The following KRT4 variants were observed in gnomAD, a reference collection of about 807,000 sequenced individuals.
KRT4 encodes keratin 4.
In KRT4, 47 loss-of-function variants were observed where a neutral mutation model predicts 50.6. That is an observed-to-expected ratio of 0.93 (90% confidence interval 0.73 to 1.18). The LOEUF (loss-of-function observed/expected upper bound fraction) is 1.18. Among genes scored for constraint, KRT4 ranks in the 50% most tolerant of loss-of-function variants. The pLI is 0.00. For missense variants in KRT4, 651 were observed against 645.7 expected (o/e 1.01, Z -0.09); for synonymous variants, 254 against 251.2 (o/e 1.01, Z -0.10).
chr12:52,811,489 C>T (rs1418041588), intron 2 of KRT4: 1 of 460,540 alleles, frequency 2.2e-6, no homozygotes, highest in Non-Finnish European at 4.0e-6. Flanking sequence ...TCTAATCATA[C>T]TATACTGCTT....
chr12:52,810,803 T>C lies in KRT4; in HGVS notation c.691A>G (p.Ile231Val). The stretch of plus-strand genomic sequence containing the variant: ...TTCTCGGCTGCTGTGCGTTTGTTGA[T>C]CTCCTCTTCATACCTGGGGGTGGGC... The part of the protein sequence containing the change: ...EDFKTKYEEE[I>V]NKRTAAENDF... The change falls in exon 3 of 9, where the codon ATC becomes GTC. Residue 231 changes from isoleucine to valine, a missense_variant. Physicochemically the swap from Ile to Val is conservative, Grantham distance 29. Transcript: ENST00000551956. 1.9e-6 allele frequency: 3 copies of C among 1,614,010 alleles called. No individual in the cohort carries two copies. The highest frequency in any genetic ancestry group is 1.7e-4 in the Middle Eastern group (1 of 6,060).
rs781679814 is a variant in KRT4, at chr12:52,806,982, C to T, written c.*87G>A. The T allele has an allele frequency of 7.0e-6, 9 of 1,288,622 alleles. No homozygotes were observed. The highest frequency in any genetic ancestry group is 1.0e-5 in the Non-Finnish European group (9 of 889,368). 79.8% of individuals were successfully genotyped at this position (1,288,622 alleles called of 1,614,324 possible). Reference sequence around the variant, plus strand: ...ATACTAGTAAGATGAGCCCCAGAGACAGAGGATGGAGGTGAAGTGAAGGAA... The same window carrying T: ...ATACTAGTAAGATGAGCCCCAGAGATAGAGGATGGAGGTGAAGTGAAGGAA... On this transcript the variant is annotated 3_prime_UTR_variant, in exon 9 of 9. Coordinates refer to ENST00000551956, the MANE Select transcript of KRT4 (RefSeq NM_002272.4).
chr12:52,813,637 A>G lies in KRT4; in HGVS notation c.422T>C (p.Ile141Thr), dbSNP rs1425869605. 6.2e-7 allele frequency: 1 copy of G among 1,613,610 alleles called. No individual in the cohort carries two copies. The highest frequency in any genetic ancestry group is 1.7e-5 in the Admixed American group (1 of 59,996). ...GGCAAACTTGTTGTTGAGGAGCTTGATCTGTTCGCGCTCTTCCGTCCGGAC... is the reference window on the plus strand; with the variant it reads ...GGCAAACTTGTTGTTGAGGAGCTTGGTCTGTTCGCGCTCTTCCGTCCGGAC... ...QKVRTEEREQ[I>T]KLLNNKFASF... The change falls in exon 1 of 9, where the codon ATC becomes ACC. Residue 141 changes from isoleucine to threonine, a missense_variant. Transcript: ENST00000551956.
In KRT4 at chr12:52,808,429, A is replaced by C; in HGVS notation, c.1000-10T>G. 6.2e-7 allele frequency: 1 copy of C among 1,613,498 alleles called. No homozygotes were observed. Among genetic ancestry groups the C allele is most frequent in the Non-Finnish European group, 8.5e-7 (1 of 1,180,016 alleles). The stretch of plus-strand genomic sequence containing the variant: ...TCTGGAGCTGCTGGACCTAAGACTC[A>C]AGAAGACACAGAGAACCAGGTGTTA... On this transcript the variant is annotated splice_polypyrimidine_tract_variant and intron_variant, in intron 5 of 8. Transcript: ENST00000551956.
intron 2 of KRT4, chr12:52,811,355 C>T (rs183394832): frequency 6.4e-5 from 17 of 264,088 alleles, no homozygotes; most frequent in African/African-American, 3.1e-4. Context: ...GAATATTATC[C>T]CCATTTCAAA....
In KRT4 at chr12:52,811,980, G is replaced by A; in HGVS notation, c.463-3C>T. The A allele has an allele frequency of 6.2e-7, 1 of 1,611,380 alleles. No homozygotes were observed. Among genetic ancestry groups the A allele is most frequent in the East Asian group, 2.2e-5 (1 of 44,848 alleles). On this transcript the variant is annotated splice_region_variant and splice_polypyrimidine_tract_variant and intron_variant, in intron 1 of 8. Coordinates refer to ENST00000551956, the MANE Select transcript of KRT4 (RefSeq NM_002272.4). Reference sequence around the variant, plus strand: ...TTCTGTTGCTCTAAGAACTGCACCTGTGTTGATAAAGGCACCAGCCAAGTG... The same window carrying A: ...TTCTGTTGCTCTAAGAACTGCACCTATGTTGATAAAGGCACCAGCCAAGTG...
intron 2 of KRT4, chr12:52,811,330 C>T (rs1939906475): frequency 3.9e-6 from 1 of 257,598 alleles, no homozygotes; most frequent in Non-Finnish European, 7.5e-6. Context: ...TTAATTCTCA[C>T]AACCCATAAA....
Position 52,807,804 on chromosome 12 carries a change from C to T in KRT4, c.1186G>A (p.Asp396Asn). The T allele has an allele frequency of 1.2e-6, 2 of 1,614,196 alleles. No individual in the cohort carries two copies. The highest frequency in any genetic ancestry group is 1.7e-6 in the Non-Finnish European group (2 of 1,180,048). The change falls in exon 7 of 9, where the codon GAT (aspartate) becomes AAT (asparagine). Residue 396 changes from aspartate (D) to asparagine (N), a missense_variant. Asp to Asn is a conservative substitution (Grantham distance 23, BLOSUM62 1). Transcript: ENST00000551956. ...AGCTCTACGCGCTTGCTGTGGGCATCTTTAAGGGCATTCTCACCTCGCTGC... is the reference window on the plus strand; with the variant it reads ...AGCTCTACGCGCTTGCTGTGGGCATTTTTAAGGGCATTCTCACCTCGCTGC... ...AEQRGENALKDAHSKRVELEA... is the reference protein window; with the variant it reads ...AEQRGENALKNAHSKRVELEA...
At position 52,811,826 on chromosome 12, in the gene KRT4, T is replaced by C; in HGVS notation, c.614A>G (p.Asp205Gly). 5 of 1,614,056 alleles carry C rather than the reference T, an allele frequency of 3.1e-6. No individual in the cohort carries two copies. Among genetic ancestry groups the C allele is most frequent in the Non-Finnish European group, 4.2e-6 (5 of 1,180,026 alleles). ...LRKQLDTLGN[D>G]KGRLQSELKT... ...CAGCTCAGACTGCAGGCGCCCTTTGTCATTGCCCAAGGTATCTAGCTGCTT... is the reference window on the plus strand; with the variant it reads ...CAGCTCAGACTGCAGGCGCCCTTTGCCATTGCCCAAGGTATCTAGCTGCTT... The change falls in exon 2 of 9, where the codon GAC (aspartate) becomes GGC (glycine). Residue 205 changes from aspartate (D) to glycine (G), a missense_variant. Physicochemically the swap from Asp to Gly is moderately conservative, Grantham distance 94. Coordinates refer to ENST00000551956, the MANE Select transcript of KRT4 (RefSeq NM_002272.4).
intron 4 of KRT4, 113 bp downstream of exon 4, chr12:52,809,270 C>T: frequency 1.2e-6 from 1 of 830,124 alleles, no homozygotes; most frequent in Middle Eastern, 2.2e-4. Context: ...TGAGAACCCA[C>T]TGCCCTAAAA....
Position 52,807,099 on chromosome 12 carries a change from G to T in KRT4, c.1533C>A (p.Ile511=), listed in dbSNP as rs1271810080. 3 of 1,614,154 alleles carry T rather than the reference G, an allele frequency of 1.9e-6. No homozygotes were observed. The highest frequency in any genetic ancestry group is 2.5e-6 in the Non-Finnish European group (3 of 1,180,016). ...SVSGSSSSKI[I]STTTLNKRR ...GTCTCTTGTTCAGGGTGGTGGTAGA[G>T]ATGATCTTGCTGCTGGAACTGCCAG... The change falls in exon 9 of 9, where the codon ATC becomes ATA. Residue 511 remains isoleucine, a synonymous_variant. Transcript: ENST00000551956.
At chr12:52,810,911 T>A in intron 2 of KRT4, 95 bp from the exon 3 acceptor site, 1 of 1,007,540 alleles carries the variant, frequency 9.9e-7, no homozygotes, top group Non-Finnish European at 1.6e-6. Context: ...TCCAAACAAA[T>A]TTGGAAATAT....
rs925779851 is a variant in KRT4 at position 52,811,660 on chromosome 12, G to A, written c.677+103C>T. On this transcript the variant is annotated intron_variant, in intron 2 of 8. Transcript: ENST00000551956. Reference sequence around the variant, plus strand: ...AACAGACTAGAGGGCCTTCCTAGACGCCTTCAGAGCCTGAGATTCTAAGCC... The same window carrying A: ...AACAGACTAGAGGGCCTTCCTAGACACCTTCAGAGCCTGAGATTCTAAGCC... 2.0e-4 allele frequency: 182 copies of A among 921,646 alleles called. 1 individual carries two copies. Among genetic ancestry groups the A allele is most frequent in the African/African-American group, 1.1e-4 (7 of 61,770 alleles). 57.1% of individuals were successfully genotyped at this position (921,646 alleles called of 1,614,324 possible).
At chr12:52,813,499 T>C in intron 1 of KRT4, 98 bp downstream of exon 1, 1 of 1,065,264 alleles carries the variant, frequency 9.4e-7, no homozygotes, top group African/African-American at 1.6e-5. Context: ...GGAAGTTCAG[T>C]GGTCTCCCCA....
rs1002465793 is a variant in KRT4, at chr12:52,806,809, G to A, written c.*260C>T. 5.4e-6 allele frequency: 3 copies of A among 558,994 alleles called. No individual in the cohort carries two copies. Among genetic ancestry groups the A allele is most frequent in the Non-Finnish European group, 9.7e-6 (3 of 309,948 alleles). The allele number at this position is 558,994 out of a possible 1,614,324, so 34.6% of individuals were successfully genotyped here. A position where few individuals can be genotyped will look rare whatever the true frequency, so the allele number is the denominator to read the frequency against. On this transcript the variant is annotated 3_prime_UTR_variant, in exon 9 of 9. Coordinates refer to ENST00000551956, the MANE Select transcript of KRT4 (RefSeq NM_002272.4). ...GTCATTTTCTTCTCTGTCCATGGGA[G>A]GTGAGAGGTCAGCTGACATCCTTCC... is the stretch of plus-strand genomic sequence containing the variant.
chr12:52,811,900 G>A lies in KRT4; in HGVS notation c.540C>T (p.Ser180=). 5.0e-6 allele frequency: 8 copies of A among 1,614,056 alleles called. No individual in the cohort carries two copies. Among genetic ancestry groups the A allele is most frequent in the Non-Finnish European group, 6.8e-6 (8 of 1,180,020 alleles). The change falls in exon 2 of 9, where the codon TCC becomes TCT. Residue 180 remains serine, a synonymous_variant. Transcript: ENST00000551956. ...CAAAGAGGGGCTCAAGGTTTTTGCT[G>A]GAGGTGGTGGTCGTCTGCTGCTGGA... The part of the protein sequence containing the change: ...NLLQQQTTTT[S]SKNLEPLFET...
Position 52,814,093 on chromosome 12 carries a change from G to A in KRT4, c.-35C>T. On this transcript the variant is annotated 5_prime_UTR_variant, in exon 1 of 9. Coordinates refer to ENST00000551956, the MANE Select transcript of KRT4 (RefSeq NM_002272.4). ...GAGCGAGCTGGGAGCTATCAGAGAA[G>A]TGACAGGGCCCAGGCCGGTGAGTGC... 1 of 1,613,866 alleles carries A rather than the reference G, an allele frequency of 6.2e-7. No homozygotes were observed. The highest frequency in any genetic ancestry group is 8.5e-7 in the Non-Finnish European group (1 of 1,179,910).
chr12:52,809,002 A>G lies in KRT4; in HGVS notation c.835-152T>C. The G allele has an allele frequency of 3.6e-6, 3 of 825,124 alleles. No individual in the cohort carries two copies. The South Asian group carries it at 4.3e-5, about 12-fold the overall frequency. 51.1% of individuals were successfully genotyped at this position (825,124 alleles called of 1,614,324 possible). A position where few individuals can be genotyped will look rare whatever the true frequency, so the allele number is the denominator to read the frequency against. ...AGAAATCAAGTGGTTGTGACAGTTC[A>G]GGATGGAAGAGCAATGCTTCTAGTC... On this transcript the variant is annotated intron_variant, in intron 4 of 8. Transcript: ENST00000551956.
intron 1 of KRT4, among the ~76,000 whole-genome samples, chr12:52,812,376 C>A (rs1443812164): frequency 1.3e-5 from 2 of 152,228 alleles, no homozygotes; most frequent in Non-Finnish European, 2.9e-5. Context: ...AAATGAAAGA[C>A]AAAGTCACTA....
Sources: gnomAD v4.1 joint callset for allele counts (sites outside exome capture counted in the v4.1 genomes callset) on GRCh38, gnomAD v4.1.1 for gene constraint, MANE v1.5 for transcripts, NCBI Gene and HGNC (gene_info 2026-07-23, HGNC 2026-07-21) for gene names.